NIPBL: variants seen among roughly 807,000 people sequenced by gnomAD.
NIPBL encodes NIPBL cohesin loading factor.
A neutral mutation model predicts 321.8 loss-of-function variants in NIPBL; 19 were observed. The observed-to-expected ratio is 0.06, with a 90% CI of 0.04 to 0.09. NIPBL has a LOEUF of 0.09. Among genes scored for constraint, NIPBL ranks in the 10% least tolerant of loss-of-function variants. NIPBL has a pLI of 1.00. For missense variants in NIPBL, 2,210 were observed against 3,327.0 expected (o/e 0.66, Z 8.26); for synonymous variants, 1,106 against 1,114.1 (o/e 0.99, Z 0.14).
chr5:37,037,621 T>C (rs1453924562), intron 33 of NIPBL, among the ~76,000 whole-genome samples: 2 of 150,254 alleles, frequency 1.3e-5, no homozygotes, highest in Non-Finnish European at 3.0e-5. Context: ...TTATATTTTT[T>C]ATGCAGTCTT....
chr5:36,912,517 T>G (rs1356614964), intron 1 of NIPBL, among the ~76,000 whole-genome samples: 2 of 151,756 alleles, frequency 1.3e-5, no homozygotes, highest in African/African-American at 4.8e-5. Context: ...TTTTTTTTTT[T>G]TTGGGGATGG....
In NIPBL at chr5:36,876,823, TC is replaced by T. The variant is rs376839773; in HGVS notation, c.-429del. 2.7e-3 allele frequency: 969 copies of T among 353,100 alleles called. 2 individuals carry two copies. Among genetic ancestry groups the T allele is most frequent in the East Asian group, 0.023 (581 of 25,328 alleles). The allele number at this position is 353,100 out of a possible 1,614,324, so 21.9% of individuals were successfully genotyped here. ...AGAGAGAGACACACACAGGGCTCCT[TC>T]CCCCCGCCCTCCCCCCCCTCCCTCC... On this transcript the variant is annotated 5_prime_UTR_variant, in exon 1 of 47. Transcript: ENST00000282516.
intron 1 of NIPBL, among the ~76,000 whole-genome samples, chr5:36,945,680 T>C (rs1739591386): frequency 6.6e-6 from 1 of 152,222 alleles, no homozygotes; most frequent in South Asian, 2.1e-4. Context: ...TTATTGGAAG[T>C]AATTTGAAAC....
intron 8 of NIPBL, 49 bp from the exon 9 acceptor site, chr5:36,975,726 GA>G: frequency 6.4e-7 from 1 of 1,566,058 alleles, no homozygotes; most frequent in Non-Finnish European, 8.8e-7. Flanking sequence ...CACATTGTAA[GA>G]AAATGTGAAA....
intron 44 of NIPBL, among the ~76,000 whole-genome samples, chr5:37,059,838 A>C (rs114497459): frequency 0.018 from 2,709 of 152,344 alleles, 76 homozygotes; most frequent in African/African-American, 0.062. Context: ...AATAGTATTT[A>C]AAGTACTCTA....
chr5:37,049,847 T>C (rs1215996033), intron 40 of NIPBL, among the ~76,000 whole-genome samples: 2 of 152,210 alleles, frequency 1.3e-5, no homozygotes, highest in Non-Finnish European at 2.9e-5. Context: ...TACCATCTGA[T>C]GGTCAAGAGA....
rs1755204753 is a variant in NIPBL, at chr5:37,064,573, C to T, written c.8096C>T (p.Ala2699Val). The change falls in exon 47 of 47, where the codon GCA becomes GTA. Residue 2699 changes from alanine to valine, a missense_variant. Coordinates refer to ENST00000282516, the MANE Select transcript of NIPBL (RefSeq NM_133433.4). ...KRNSDSTELA[A>V]QMNESVDVMD... ...AATTCAGACTCTACGGAGTTGGCAG[C>T]ACAGATGAATGAAAGTGTTGACGTC... The T allele has an allele frequency of 1.2e-6, 2 of 1,614,092 alleles. No individual in the cohort carries two copies. Among genetic ancestry groups the T allele is most frequent in the Non-Finnish European group, 1.7e-6 (2 of 1,180,036 alleles).
chr5:36,896,204 G>T lies in NIPBL; in HGVS notation c.-80+19026G>T, dbSNP rs1480074065. ...AAAAGACTATTCTTTCCCATTGAAT[G>T]GTCTTGGCATCCCTGTCAAAAATCA... On this transcript the variant is annotated intron_variant, in intron 1 of 46. Transcript: ENST00000282516. Among the ~76,000 whole-genome samples the T allele has an allele frequency of 2.0e-5, 3 of 152,174 alleles. No individual in the cohort carries two copies. The East Asian group carries it at 5.8e-4, about 29-fold the overall frequency.
chr5:37,060,901 C>A lies in NIPBL; in HGVS notation c.7743C>A (p.Asn2581Lys). The A allele has an allele frequency of 6.2e-7, 1 of 1,614,030 alleles. No homozygotes were observed. The highest frequency in any genetic ancestry group is 8.5e-7 in the Non-Finnish European group (1 of 1,179,954). Residue 2581 changes from asparagine to lysine, a missense_variant, in exon 45 of 47, where the codon AAC (asparagine) becomes AAA (lysine). Asn to Lys is a moderately conservative substitution (Grantham distance 94). This residue lies in a region of NIPBL where 159 missense variants were observed against 319.2 expected (regional missense o/e 0.50). Coordinates refer to ENST00000282516, the MANE Select transcript of NIPBL (RefSeq NM_133433.4). ...CAAAAGTATATGATAAAGCGATAAA[C>A]CGAAAAACAGGAGTTCATTTTCATC... ...ESAKVYDKAI[N>K]RKTGVHFHPK...
intron 9 of NIPBL, 116 bp downstream of exon 9, chr5:36,976,518 A>C (rs370233031): frequency 1.0e-6 from 1 of 985,952 alleles, no homozygotes; most frequent in East Asian, 2.6e-5. Flanking sequence ...ATGTCTACTC[A>C]AGTACATATT....
At chr5:37,064,408 A>G in intron 46 of NIPBL, 119 bp from the exon 47 acceptor site, 1 of 1,552,632 alleles carries the variant, frequency 6.4e-7, no homozygotes, top group Non-Finnish European at 8.7e-7. Context: ...CCGGCAATGG[A>G]AGTGTGCCGG....
intron 1 of NIPBL, chr5:36,885,210 G>A (rs1745800070): frequency 1.5e-5 from 8 of 533,758 alleles, no homozygotes; most frequent in Non-Finnish European, 3.1e-5. Context: ...GACAGCATGA[G>A]CTTCACCACT....
intron 10 of NIPBL, among the ~76,000 whole-genome samples, chr5:36,990,423 T>C (rs761550745): frequency 1.0e-5 from 1 of 99,526 alleles, no homozygotes; most frequent in Non-Finnish European, 1.8e-5. Flanking sequence ...GCACAGTTTA[T>C]TAATTCCTAA....
chr5:37,042,158 T>C (rs545830722), intron 34 of NIPBL, among the ~76,000 whole-genome samples: 3 of 151,876 alleles, frequency 2.0e-5, no homozygotes, highest in South Asian at 2.1e-4. Flanking sequence ...CAAAATGGGC[T>C]GGGCACGGTG....
rs1160043014 is a variant in NIPBL at position 37,003,326 on chromosome 5, G to A, written c.3834G>A (p.Lys1278=). 6.2e-7 allele frequency: 1 copy of A among 1,603,088 alleles called. No homozygotes were observed. Among genetic ancestry groups the A allele is most frequent in the Admixed American group, 1.7e-5 (1 of 59,916 alleles). Residue 1278 remains lysine (K), a synonymous_variant, in exon 16 of 47, where the codon AAG becomes AAA. Coordinates refer to ENST00000282516, the MANE Select transcript of NIPBL (RefSeq NM_133433.4). The stretch of plus-strand genomic sequence containing the variant: ...AGAAGAATATTCAGGATGGGTCAAA[G>A]CTTTCCACTTTGTTAAATCATGTAA... ...ILEKNIQDGS[K]LSTLLNHNND...
At chr5:36,969,358 G>A (rs1452325917) in intron 6 of NIPBL, among the ~76,000 whole-genome samples, 1 of 152,168 alleles carries the variant, frequency 6.6e-6, no homozygotes, top group African/African-American at 2.4e-5. Context: ...ATGAAGTGTA[G>A]CAGCTCAGTC....
intron 32 of NIPBL, among the ~76,000 whole-genome samples, chr5:37,034,306 G>T (rs1192210886): frequency 6.6e-6 from 1 of 152,172 alleles, no homozygotes; most frequent in Non-Finnish European, 1.5e-5. Context: ...CTTGAAAAAT[G>T]ATTTCATAAA....
intron 9 of NIPBL, among the ~76,000 whole-genome samples, chr5:36,979,381 T>C: frequency 6.6e-6 from 1 of 151,854 alleles, no homozygotes; most frequent in Non-Finnish European, 1.5e-5. Flanking sequence ...CTTGATTTGG[T>C]TCTCAGCTCG....
At chr5:36,884,096 C>T (rs1459229280) in intron 1 of NIPBL, among the ~76,000 whole-genome samples, 4 of 152,062 alleles carry the variant, frequency 2.6e-5, no homozygotes, top group African/African-American at 9.7e-5. Context: ...CTGAAAGACA[C>T]ACATGACATA....
Sources: gnomAD v4.1 joint callset for allele counts (sites outside exome capture counted in the v4.1 genomes callset) on GRCh38, gnomAD v4.1.1 for gene constraint, gnomAD v4.1.1 regional missense constraint, MANE v1.5 for transcripts, NCBI Gene and HGNC (gene_info 2026-07-23, HGNC 2026-07-21) for gene names.